TMPRSS15: variants seen among roughly 807,000 people sequenced by gnomAD.
The protein encoded by TMPRSS15 is transmembrane serine protease 15, also known as enteropeptidase.
Under a neutral mutation model 125.3 loss-of-function variants are expected in TMPRSS15, and 128 were observed. The observed-to-expected ratio is 1.02, with a 90% CI of 0.89 to 1.18. TMPRSS15 has a LOEUF of 1.18. Among genes scored for constraint, TMPRSS15 ranks in the 50% most tolerant of loss-of-function variants. The probability of loss-of-function intolerance (pLI) is 0.00; values close to 1 mark genes in which losing one functional copy is unlikely to be tolerated. For synonymous variants in TMPRSS15, 446 were observed against 423.2 expected, an observed-to-expected ratio of 1.05 and a Z score of -0.66; for missense variants, 1,283 against 1,212.7, an observed-to-expected ratio of 1.06 and a Z score of -0.86.
At chr21:18,451,780 T>C (rs1343633539) in intron 1 of TMPRSS15, among the ~76,000 whole-genome samples, 1 of 152,134 alleles carries the variant, frequency 6.6e-6, no homozygotes, top group Non-Finnish European at 1.5e-5. Flanking sequence ...TGTATGACTG[T>C]CCAAGATGAA....
intron 1 of TMPRSS15, 140 bp downstream of exon 1, chr21:18,403,338 A>C (rs1341323911): frequency 9.0e-7 from 1 of 1,106,710 alleles, no homozygotes; most frequent in Non-Finnish European, 1.4e-6. Flanking sequence ...TGTCATGAAG[A>C]TTAATTTGAA....
intron 16 of TMPRSS15, among the ~76,000 whole-genome samples, chr21:18,326,015 T>C (rs1420545727): frequency 1.3e-5 from 2 of 152,112 alleles, no homozygotes; most frequent in Non-Finnish European, 2.9e-5. Context: ...GTTAATGATG[T>C]TAATTATTTA....
intron 1 of TMPRSS15, among the ~76,000 whole-genome samples, chr21:18,468,512 G>A (rs1171948756): frequency 2.0e-5 from 3 of 149,824 alleles, no homozygotes; most frequent in African/African-American, 7.3e-5. Flanking sequence ...AGAAATCCAG[G>A]AAAGCATTCA....
At chr21:18,360,867 G>A (rs1308056583) in intron 7 of TMPRSS15, among the ~76,000 whole-genome samples, 1 of 151,914 alleles carries the variant, frequency 6.6e-6, no homozygotes, top group Non-Finnish European at 1.5e-5. Context: ...ATCACTTTCG[G>A]TAGTATGAAC....
intron 24 of TMPRSS15, among the ~76,000 whole-genome samples, chr21:18,270,967 A>G (rs1272720174): frequency 6.6e-6 from 1 of 152,236 alleles, no homozygotes; most frequent in Non-Finnish European, 1.5e-5. Context: ...CTGGTATAAT[A>G]GAATATTTCA....
At position 18,269,146 on chromosome 21, in the gene TMPRSS15, A is replaced by ACCTT. The variant is rs1274049179; in HGVS notation, c.*819_*822dup. 1 of 152,146 alleles carries ACCTT rather than the reference A, an allele frequency of 6.6e-6. No homozygotes were observed. The highest frequency in any genetic ancestry group is 2.4e-5 in the African/African-American group (1 of 41,414). 9.4% of individuals were successfully genotyped at this position (152,146 alleles called of 1,614,324 possible). The stretch of plus-strand genomic sequence containing the variant: ...CAAATTCATTTATTACACATATTTG[A>ACCTT]CCTTCTCATGGGTGATTCAGCTGTG... On this transcript the variant is annotated 3_prime_UTR_variant, in exon 25 of 25. Coordinates refer to ENST00000284885, the MANE Select transcript of TMPRSS15 (RefSeq NM_002772.3).
At chr21:18,296,265 G>A (rs1319513514) in intron 19 of TMPRSS15, among the ~76,000 whole-genome samples, 1 of 152,092 alleles carries the variant, frequency 6.6e-6, no homozygotes, top group African/African-American at 2.4e-5. Flanking sequence ...ACAACCACTA[G>A]CGCAAGGGCA....
intron 1 of TMPRSS15, among the ~76,000 whole-genome samples, chr21:18,466,049 G>T (rs1228290199): frequency 2.0e-5 from 3 of 152,092 alleles, no homozygotes; most frequent in Non-Finnish European, 2.9e-5. Context: ...GCATGGTACT[G>T]GTACCAAAAC....
intron 16 of TMPRSS15, 134 bp downstream of exon 16, chr21:18,326,298 C>G (rs1347540762): frequency 2.3e-6 from 3 of 1,316,022 alleles, no homozygotes; most frequent in Non-Finnish European, 3.3e-6. Context: ...GAAAAATCAT[C>G]TTCATTAAGA....
intron 1 of TMPRSS15, among the ~76,000 whole-genome samples, chr21:18,415,464 T>C (rs1234466228): frequency 6.6e-6 from 1 of 152,156 alleles, no homozygotes; most frequent in East Asian, 1.9e-4. Context: ...TATGTTTTCT[T>C]CTAGAAGTTT....
intron 1 of TMPRSS15, among the ~76,000 whole-genome samples, chr21:18,437,522 G>A (rs563979322): frequency 5.7e-4 from 86 of 152,138 alleles, no homozygotes; most frequent in Middle Eastern, 3.4e-3. Context: ...AAAAACTACC[G>A]TCAGAGTGAA....
At chr21:18,401,741 A>C (rs1234462326) in intron 1 of TMPRSS15, among the ~76,000 whole-genome samples, 2 of 152,188 alleles carry the variant, frequency 1.3e-5, no homozygotes, top group Admixed American at 1.3e-4. Context: ...ATAATAGTTT[A>C]AAAAGAAAAA....
chr21:18,303,624 A>T (rs573760710), intron 18 of TMPRSS15, among the ~76,000 whole-genome samples: 13 of 152,264 alleles, frequency 8.5e-5, no homozygotes, highest in Non-Finnish European at 1.6e-4. Context: ...CTCTTTTCCA[A>T]ATAACAGGAT....
intron 18 of TMPRSS15, 26 bp downstream of exon 18, chr21:18,312,919 A>T: frequency 6.2e-7 from 1 of 1,612,554 alleles, no homozygotes; most frequent in South Asian, 1.1e-5. Flanking sequence ...AAATCTCTTA[A>T]AAAGGAACTC....
chr21:18,294,017 G>A (rs768521384), intron 21 of TMPRSS15, among the ~76,000 whole-genome samples: 8 of 152,162 alleles, frequency 5.3e-5, no homozygotes, highest in Non-Finnish European at 1.2e-4. Context: ...GTATGTAAAA[G>A]TGTAAAAAGA....
intron 21 of TMPRSS15, among the ~76,000 whole-genome samples, chr21:18,291,185 G>A (rs377285003): frequency 3.3e-5 from 5 of 152,270 alleles, no homozygotes; most frequent in East Asian, 1.9e-4. Context: ...CTACAGATGA[G>A]GAAACGGAAA....
At chr21:18,277,666 T>C (rs1263885674) in intron 23 of TMPRSS15, among the ~76,000 whole-genome samples, 2 of 152,222 alleles carry the variant, frequency 1.3e-5, no homozygotes, top group Non-Finnish European at 2.9e-5. Flanking sequence ...TCTCTTATAA[T>C]AGGTAACGAC....
At chr21:18,408,984 T>A (rs1383074423) in intron 1 of TMPRSS15, among the ~76,000 whole-genome samples, 1 of 152,100 alleles carries the variant, frequency 6.6e-6, no homozygotes, top group Admixed American at 6.6e-5. Context: ...ATCAGTCAGC[T>A]TGTTTTAAAA....
chr21:18,403,660 G>A lies in TMPRSS15; in HGVS notation c.-38C>T, dbSNP rs1337706919. 3 of 1,613,184 alleles carry A rather than the reference G, an allele frequency of 1.9e-6. No individual in the cohort carries two copies. Among genetic ancestry groups the A allele is most frequent in the East Asian group, 4.5e-5 (2 of 44,842 alleles). ...AGGCTTGCTAATTTAAGAACTGAAAGAGAATATAAATAATTCTACCAACTG... is the reference window on the plus strand; with the variant it reads ...AGGCTTGCTAATTTAAGAACTGAAAAAGAATATAAATAATTCTACCAACTG... On this transcript the variant is annotated 5_prime_UTR_variant, in exon 1 of 25. Coordinates refer to ENST00000284885, the MANE Select transcript of TMPRSS15 (RefSeq NM_002772.3).
Sources: allele counts gnomAD v4.1 joint callset (sites outside exome capture counted in the v4.1 genomes callset), GRCh38; gene constraint gnomAD v4.1.1; transcripts MANE v1.5; gene names NCBI Gene and HGNC (gene_info 2026-07-23, HGNC 2026-07-21).